The following FBXL17 variants were observed in gnomAD, a reference collection of about 807,000 sequenced individuals.
FBXL17 encodes F-box/LRR-repeat protein 17.
A neutral mutation model predicts 66.2 loss-of-function variants in FBXL17; 22 were observed. The observed-to-expected ratio is 0.33, with a 90% CI of 0.24 to 0.47. FBXL17 has a LOEUF of 0.47. Ranked by LOEUF, FBXL17 falls within the 20% of genes least tolerant of loss-of-function variation. The pLI is 1.00. For synonymous variants in FBXL17, 474 were observed against 400.5 expected, an observed-to-expected ratio of 1.18 and a Z score of -2.19; for missense variants, 878 against 948.2, an observed-to-expected ratio of 0.93 and a Z score of 0.97.
chr5:108,085,492 A>G (rs1748933034), intron 6 of FBXL17, among the ~76,000 whole-genome samples: 1 of 152,170 alleles, frequency 6.6e-6, no homozygotes, highest in Non-Finnish European at 1.5e-5. Context: ...GGCTAAGCTA[A>G]TTATTCTTCT....
intron 6 of FBXL17, among the ~76,000 whole-genome samples, chr5:108,082,114 T>C (rs959763809): frequency 2.0e-5 from 3 of 152,082 alleles, no homozygotes; most frequent in Non-Finnish European, 4.4e-5. Flanking sequence ...ACTATGACCT[T>C]TGGAAAGTTA....
At chr5:108,288,357 A>G (rs966069728) in intron 4 of FBXL17, among the ~76,000 whole-genome samples, 1 of 152,024 alleles carries the variant, frequency 6.6e-6, no homozygotes, top group Non-Finnish European at 1.5e-5. Context: ...ACATGAAATT[A>G]GCACATGCTA....
rs989906435 is a variant in FBXL17, at chr5:107,859,466, A to G, written c.*2254T>C. ...TATGGTATTTCTACGGATTTCTACA[A>G]ATGTACCAAAGCAGTTTTCCAGATT... On this transcript the variant is annotated 3_prime_UTR_variant, in exon 9 of 9. Transcript: ENST00000542267. 7.2e-6 allele frequency: 1 copy of G among 139,750 alleles called. No individual in the cohort carries two copies. The highest frequency in any genetic ancestry group is 1.5e-5 in the Non-Finnish European group (1 of 66,062). 8.7% of individuals were successfully genotyped at this position (139,750 alleles called of 1,614,324 possible). A position where few individuals can be genotyped will look rare whatever the true frequency, so the allele number is the denominator to read the frequency against.
chr5:108,208,230 T>C (rs913009929), intron 5 of FBXL17, among the ~76,000 whole-genome samples: 4 of 152,234 alleles, frequency 2.6e-5, no homozygotes, highest in East Asian at 1.9e-4. Flanking sequence ...GTCAGATGGA[T>C]AGATTGCAAA....
intron 6 of FBXL17, among the ~76,000 whole-genome samples, chr5:108,147,403 C>G (rs1283483831): frequency 6.6e-6 from 1 of 152,046 alleles, no homozygotes; most frequent in Non-Finnish European, 1.5e-5. Flanking sequence ...AAAACATGGG[C>G]CAGGCACGGT....
intron 4 of FBXL17, among the ~76,000 whole-genome samples, chr5:108,347,302 C>T (rs2112468996): frequency 6.6e-6 from 1 of 152,212 alleles, no homozygotes; most frequent in South Asian, 2.1e-4. Flanking sequence ...GGCAAAAATA[C>T]AGTATAATAA....
rs1404847789 is a variant in FBXL17 at position 108,224,142 on chromosome 5, T to C, written c.1593A>G (p.Lys531=). The C allele has an allele frequency of 6.8e-6, 11 of 1,608,916 alleles. No individual in the cohort carries two copies. The highest frequency in any genetic ancestry group is 1.1e-5 in the South Asian group (1 of 90,602). The part of the protein sequence containing the change: ...VGFMGCSVTS[K]GVIHLTKLRN... The stretch of plus-strand genomic sequence containing the variant: ...CTACCTTGGTTAGGTGAATGACTCC[T>C]TTAGAAGTGACTGAACAACCCATGA... The change falls in exon 5 of 9, where the codon AAA becomes AAG. Residue 531 remains lysine, a synonymous_variant. Transcript: ENST00000542267.
At chr5:108,331,891 G>C (rs373881905) in intron 4 of FBXL17, among the ~76,000 whole-genome samples, 6 of 152,124 alleles carry the variant, frequency 3.9e-5, no homozygotes, top group African/African-American at 1.4e-4. Flanking sequence ...AAATTCAAGG[G>C]ACCAACATAT....
chr5:108,373,731 C>T (rs1012436244), intron 1 of FBXL17, among the ~76,000 whole-genome samples: 5 of 151,928 alleles, frequency 3.3e-5, no homozygotes, highest in African/African-American at 1.2e-4. Flanking sequence ...GCCTGGGCAA[C>T]ATGGCAAGAC....
At chr5:107,952,492 A>G (rs780829357) in intron 7 of FBXL17, among the ~76,000 whole-genome samples, 9 of 152,222 alleles carry the variant, frequency 5.9e-5, no homozygotes, top group African/African-American at 9.6e-5. Flanking sequence ...AAAGGGTCAA[A>G]TCTTAAAGAA....
intron 6 of FBXL17, among the ~76,000 whole-genome samples, chr5:108,163,763 T>G (rs187944349): frequency 6.6e-6 from 1 of 152,310 alleles, no homozygotes; most frequent in East Asian, 1.9e-4. Context: ...CAAAATATGT[T>G]TAGCATTACA....
chr5:107,873,784 A>C (rs1580670764), intron 8 of FBXL17, among the ~76,000 whole-genome samples: 1 of 152,180 alleles, frequency 6.6e-6, no homozygotes, highest in African/African-American at 2.4e-5. Flanking sequence ...AACCAAATCA[A>C]AGCTCCAAGG....
intron 6 of FBXL17, among the ~76,000 whole-genome samples, chr5:108,103,886 CT>C (rs148888975): frequency 6.6e-6 from 1 of 152,184 alleles, no homozygotes; most frequent in Non-Finnish European, 1.5e-5. Context: ...CACTGTTAAA[CT>C]TTTTGTTGAT....
chr5:108,251,032 C>CA (rs1445330755), intron 4 of FBXL17, among the ~76,000 whole-genome samples: 1 of 151,722 alleles, frequency 6.6e-6, no homozygotes, highest in Admixed American at 6.6e-5. Flanking sequence ...TTTGTTATTG[C>CA]AAAAAATACT....
Position 108,172,710 on chromosome 5 carries a change from T to A in FBXL17, c.1745+13407A>T, listed in dbSNP as rs548282612. 7.9e-5 allele frequency among the ~76,000 whole-genome samples: 12 copies of A among 152,306 alleles called. No homozygotes were observed. In the East Asian group the frequency reaches 2.3e-3, roughly 29 times the overall value. On this transcript the variant is annotated intron_variant, in intron 6 of 8. Coordinates refer to ENST00000542267, the MANE Select transcript of FBXL17 (RefSeq NM_001163315.3). ...TGCTTGGTTGGGTGATTTTTCTGTGTTTTAAGAGCCTTCAACACTTTTCTA... is the reference window on the plus strand; with the variant it reads ...TGCTTGGTTGGGTGATTTTTCTGTGATTTAAGAGCCTTCAACACTTTTCTA...
At position 108,269,234 on chromosome 5, in the gene FBXL17, T is replaced by C. The variant is rs190801747; in HGVS notation, c.1507-45006A>G. ...GTAAGAGTGATCTTCTTGAACCTAC[T>C]GTTTTTCAAGTGACTTCACCTCAAA... On this transcript the variant is annotated intron_variant, in intron 4 of 8. Transcript: ENST00000542267. Among the ~76,000 whole-genome samples the C allele has an allele frequency of 4.6e-5, 7 of 152,216 alleles. No individual in the cohort carries two copies. The East Asian group carries it at 1.4e-3, about 29-fold the overall frequency.
intron 8 of FBXL17, among the ~76,000 whole-genome samples, chr5:107,864,053 CTTCT>C (rs1262530255): frequency 1.3e-5 from 2 of 152,216 alleles, no homozygotes; most frequent in African/African-American, 4.8e-5. Flanking sequence ...AGGCATGTTA[CTTCT>C]TTAAGACTTG....
intron 4 of FBXL17, among the ~76,000 whole-genome samples, chr5:108,306,334 G>T (rs906794991): frequency 2.0e-5 from 3 of 152,046 alleles, no homozygotes; most frequent in African/African-American, 7.2e-5. Flanking sequence ...AGGTCTCCAA[G>T]AGCAACTTTT....
intron 7 of FBXL17, among the ~76,000 whole-genome samples, chr5:107,912,447 A>T (rs1205176046): frequency 6.6e-6 from 1 of 152,142 alleles, no homozygotes; most frequent in Admixed American, 6.6e-5. Context: ...TAAATAAAAC[A>T]TAGTATATTC....
Sources: allele counts gnomAD v4.1 joint callset (sites outside exome capture counted in the v4.1 genomes callset), GRCh38; gene constraint gnomAD v4.1.1; transcripts MANE v1.5; gene names NCBI Gene and HGNC (gene_info 2026-07-23, HGNC 2026-07-21).